ATP4A: variants seen among roughly 807,000 people sequenced by gnomAD.
ATP4A encodes the protein potassium-transporting ATPase alpha chain 1.
A neutral mutation model predicts 112.1 loss-of-function variants in ATP4A; 73 were observed. That is an observed-to-expected ratio of 0.65 (90% CI 0.54 to 0.79). The LOEUF is 0.79. Among genes scored for constraint, ATP4A ranks in the 30% least tolerant of loss-of-function variants. ATP4A has a pLI of 0.00. For synonymous variants in ATP4A, 588 were observed against 588.9 expected (o/e 1.00, Z 0.02); for missense variants, 1,081 against 1,425.9 (o/e 0.76, Z 3.90).
rs2071676777 is a variant in ATP4A, at chr19:35,562,499, G to T, written c.356C>A (p.Ala119Asp). The part of the protein sequence containing the change: ...GGLQCLMWVA[A>D]AICLIAFAIQ... Reference sequence around the variant, plus strand: ...GGCAAAGGCGATGAGGCAGATGGCGGCGGCAACCCACATGAGGCACTGCAG... The same window carrying T: ...GGCAAAGGCGATGAGGCAGATGGCGTCGGCAACCCACATGAGGCACTGCAG... Residue 119 changes from alanine to aspartate, a missense_variant, in exon 4 of 22, where the codon GCC (alanine) becomes GAC (aspartate). Ala to Asp is a moderately radical substitution (Grantham distance 126). Transcript: ENST00000262623. 3 of 1,614,152 alleles carry T rather than the reference G, an allele frequency of 1.9e-6. No homozygotes were observed. The highest frequency in any genetic ancestry group is 2.5e-6 in the Non-Finnish European group (3 of 1,180,024).
rs2071649974 is a variant in ATP4A, at chr19:35,558,880, G to A, written c.1255+113C>T. ...CGGTAGCGAGTCTCCTTTGAGACCT[G>A]GAGCCGAGCCGCCCCGCCTTCGTAC... On this transcript the variant is annotated intron_variant, in intron 8 of 21. Transcript: ENST00000262623. The surrounding 1 kb of genome is among the most constrained non-coding windows in gnomAD (Gnocchi z 5.1). The A allele has an allele frequency of 9.3e-6, 13 of 1,399,354 alleles. No individual in the cohort carries two copies. The South Asian group carries it at 1.4e-4, about 15-fold the overall frequency. 86.7% of individuals were successfully genotyped at this position (1,399,354 alleles called of 1,614,324 possible). A position where few individuals can be genotyped will look rare whatever the true frequency, so the allele number is the denominator to read the frequency against.
chr19:35,556,805 A>C, intron 12 of ATP4A, 108 bp downstream of exon 12: 2 of 1,324,200 alleles, frequency 1.5e-6, no homozygotes, highest in Non-Finnish European at 2.1e-6. Context: ...AAACCAATGC[A>C]TTTTGGTTCA....
Position 35,558,467 on chromosome 19 carries a change from C to T in ATP4A, c.1395G>A (p.Thr465=). 1 of 1,600,126 alleles carries T rather than the reference C, an allele frequency of 6.2e-7. No homozygotes were observed. Among genetic ancestry groups the T allele is most frequent in the Non-Finnish European group, 8.5e-7 (1 of 1,173,980 alleles). Reference sequence around the variant, plus strand: ...TCAGCTCCGAGAACTTGAGCAGCGCCGTCTCCGATGCGTCTCCAATCACGA... The same window carrying T: ...TCAGCTCCGAGAACTTGAGCAGCGCTGTCTCCGATGCGTCTCCAATCACGA... ...KRIVIGDASE[T]ALLKFSELTL... Residue 465 remains threonine (T), a synonymous_variant, in exon 10 of 22, where the codon ACG becomes ACA. Transcript: ENST00000262623. The surrounding 1 kb of genome is among the most constrained non-coding windows in gnomAD (Gnocchi z 5.1).
chr19:35,562,333 C>T (rs1475070285), intron 4 of ATP4A, 102 bp downstream of exon 4: 1 of 1,372,368 alleles, frequency 7.3e-7, no homozygotes, highest in Admixed American at 2.2e-5. Flanking sequence ...TCGTGTTCGT[C>T]TATCCCCATC....
rs767606928 is a variant in ATP4A at position 35,558,325 on chromosome 19, G to T, written c.1500+37C>A. ...TGTGGCCTGGGGCGGGGCCCGAGGT[G>T]GGCGGGCCCAGGCCGTGGGCGGGGC... On this transcript the variant is annotated intron_variant, in intron 10 of 21. Coordinates refer to ENST00000262623, the MANE Select transcript of ATP4A (RefSeq NM_000704.3). The surrounding 1 kb of genome is among the most constrained non-coding windows in gnomAD (Gnocchi z 5.1). 2.5e-6 allele frequency: 4 copies of T among 1,584,130 alleles called. No individual in the cohort carries two copies. In the South Asian group the frequency reaches 4.6e-5, roughly 18 times the overall value.
At chr19:35,556,715 A>G (rs1239636503) in intron 12 of ATP4A, among the ~76,000 whole-genome samples, 198 bp downstream of exon 12, 1 of 152,212 alleles carries the variant, frequency 6.6e-6, no homozygotes, top group African/African-American at 2.4e-5. Context: ...AGACATGGAG[A>G]AAGGAAAATT....
intron 12 of ATP4A, among the ~76,000 whole-genome samples, chr19:35,556,093 T>C (rs1245508574): frequency 1.3e-5 from 2 of 152,280 alleles, no homozygotes; most frequent in Admixed American, 6.5e-5. Context: ...ATTTTAAGTG[T>C]ACCCAGGGAA....
chr19:35,559,466 A>G lies in ATP4A; in HGVS notation c.1057-275T>C, dbSNP rs1458374251. 6.6e-6 allele frequency among the ~76,000 whole-genome samples: 1 copy of G among 152,238 alleles called. No homozygotes were observed. The highest frequency in any genetic ancestry group is 2.4e-5 in the African/African-American group (1 of 41,466). On this transcript the variant is annotated intron_variant, in intron 7 of 21. Transcript: ENST00000262623. The surrounding 1 kb of genome is among the most constrained non-coding windows in gnomAD (Gnocchi z 4.1). ...TTCTCTTCACACAATCAAAATGAGA[A>G]GAGGAACCTTCCCCGCACCTCCCTG...
chr19:35,557,938 G>A lies in ATP4A; in HGVS notation c.1501-91C>T. 2.0e-6 allele frequency: 2 copies of A among 975,910 alleles called. No individual in the cohort carries two copies. Among genetic ancestry groups the A allele is most frequent in the Non-Finnish European group, 2.9e-6 (2 of 688,674 alleles). 60.5% of individuals were successfully genotyped at this position (975,910 alleles called of 1,614,324 possible). On this transcript the variant is annotated intron_variant, in intron 10 of 21. Transcript: ENST00000262623. The surrounding 1 kb of genome is among the most constrained non-coding windows in gnomAD (Gnocchi z 4.4). The stretch of plus-strand genomic sequence containing the variant: ...CGGGGCGGGGCTGAGGAGAGGGGCG[G>A]GGCCGAGAGCTCGGTGCGGGCTCTG...
At position 35,560,895 on chromosome 19, in the gene ATP4A, A is replaced by G; in HGVS notation, c.458T>C (p.Val153Ala). The G allele has an allele frequency of 6.2e-7, 1 of 1,613,956 alleles. No individual in the cohort carries two copies. Among genetic ancestry groups the G allele is most frequent in the Non-Finnish European group, 8.5e-7 (1 of 1,179,950 alleles). The stretch of plus-strand genomic sequence containing the variant: ...CTGGTAGTAGCCAAAGCAGCCGGTG[A>G]CGACAACCACAGCAATGAGAGCGAT... ...LAIALIAVVVVTGCFGYYQEF... is the reference protein window; with the variant it reads ...LAIALIAVVVATGCFGYYQEF... The change falls in exon 5 of 22, where the codon GTC becomes GCC. Residue 153 changes from valine to alanine, a missense_variant. Val to Ala is a moderately conservative substitution (Grantham distance 64). Around this residue, in one of 3 missense-constraint regions of ATP4A, gnomAD observed 850 missense variants for 1,068.2 expected, o/e 0.80. Transcript: ENST00000262623. The surrounding 1 kb of genome is among the most constrained non-coding windows in gnomAD (Gnocchi z 5.1).
intron 18 of ATP4A, 121 bp downstream of exon 18, chr19:35,552,916 G>A: frequency 7.6e-7 from 1 of 1,308,852 alleles, no homozygotes; most frequent in Non-Finnish European, 1.0e-6. Context: ...AGGGAGTCTG[G>A]GGGTCCGGGA....
rs747336237 is a variant in ATP4A, at chr19:35,560,776, G to A, written c.534+43C>T. On this transcript the variant is annotated intron_variant, in intron 5 of 21. Transcript: ENST00000262623. This position sits in a 1 kb window ranked among gnomAD's most constrained non-coding sequence, Gnocchi z 5.1. ...TGGAAGGAGGCTACAGGAGCAGTTT[G>A]GAGTCTCTGGGATCTGGAGTGGCTG... 6.2e-7 allele frequency: 1 copy of A among 1,600,054 alleles called. No homozygotes were observed. The highest frequency in any genetic ancestry group is 1.1e-5 in the South Asian group (1 of 90,766).
Position 35,557,094 on chromosome 19 carries a change from C to T in ATP4A, c.1694-6G>A, listed in dbSNP as rs372894649. 1.3e-5 allele frequency: 21 copies of T among 1,613,930 alleles called. No individual in the cohort carries two copies. Among genetic ancestry groups the T allele is most frequent in the Middle Eastern group, 3.3e-4 (2 of 6,082 alleles). On this transcript the variant is annotated splice_polypyrimidine_tract_variant and splice_region_variant and intron_variant, in intron 11 of 21. Transcript: ENST00000262623. The surrounding 1 kb of genome is among the most constrained non-coding windows in gnomAD (Gnocchi z 4.4). ...CAGGTAGAGCTGGCAGAAGCCTGAC[C>T]GGAAACGGGGAAGTCAGGGAAGAGC... is the stretch of plus-strand genomic sequence containing the variant.
At position 35,550,618 on chromosome 19, in the gene ATP4A, ATAG is replaced by A. The variant is rs769071264; in HGVS notation, c.3102_3104del (p.Tyr1035del). 1.2e-6 allele frequency: 2 copies of A among 1,613,782 alleles called. No individual in the cohort carries two copies. The highest frequency in any genetic ancestry group is 1.7e-5 in the Admixed American group (1 of 60,010). On this transcript the variant is annotated inframe_deletion, in exon 22 of 22. Transcript: ENST00000262623. The surrounding 1 kb of genome is among the most constrained non-coding windows in gnomAD (Gnocchi z 4.1). ...ATGCTTGAAGGCAGTCGTCCCTCTAATAGTAGAGTTCCTGGTCCCACCAGCCTG... is the reference window on the plus strand; with the variant it reads ...ATGCTTGAAGGCAGTCGTCCCTCTAATAGAGTTCCTGGTCCCACCAGCCTG...
At position 35,550,345 on chromosome 19, in the gene ATP4A, G is replaced by T. The variant is rs2071593963; in HGVS notation, c.*270C>A. ...GCGGTCAGCTGTACTCCCTGTCAGA[G>T]CCCCACCGCCACCACAGGTGGCGGC... is the stretch of plus-strand genomic sequence containing the variant. On this transcript the variant is annotated 3_prime_UTR_variant, in exon 22 of 22. Coordinates refer to ENST00000262623, the MANE Select transcript of ATP4A (RefSeq NM_000704.3). The surrounding 1 kb of genome is among the most constrained non-coding windows in gnomAD (Gnocchi z 4.1). 3.7e-6 allele frequency: 2 copies of T among 535,166 alleles called. No individual in the cohort carries two copies. The highest frequency in any genetic ancestry group is 2.1e-5 in the South Asian group (1 of 46,560). The allele number at this position is 535,166 out of a possible 1,614,324, so 33.2% of individuals were successfully genotyped here.
intron 17 of ATP4A, 93 bp downstream of exon 17, chr19:35,553,613 G>T: frequency 6.5e-7 from 1 of 1,531,582 alleles, no homozygotes; most frequent in South Asian, 1.2e-5. Context: ...CTGAGGTCCA[G>T]AACCAGCCGG....
At chr19:35,554,306 C>G (rs1255947306) in intron 16 of ATP4A, among the ~76,000 whole-genome samples, 2 of 152,028 alleles carry the variant, frequency 1.3e-5, no homozygotes, top group Non-Finnish European at 2.9e-5. Context: ...AGCCGGGCCA[C>G]TTATTTGCCC....
In ATP4A at chr19:35,551,044, C is replaced by T. The variant is rs374851312; in HGVS notation, c.2953G>A (p.Gly985Ser). ...ATGAAGTTGAAGATGTTGGGCATGC[C>T]GGGGCAGTAGCACAGGAAGCAGCCG... ...CIGCFLCYCP[G>S]MPNIFNFMPI... is the part of the protein sequence containing the mutation. The change falls in exon 20 of 22, where the codon GGC becomes AGC. Residue 985 changes from glycine (G) to serine (S), a missense_variant. Gly to Ser is a moderately conservative substitution (Grantham distance 56). Around this residue, in one of 3 missense-constraint regions of ATP4A, gnomAD observed 219 missense variants for 320.9 expected, o/e 0.68. Transcript: ENST00000262623. The surrounding 1 kb of genome is among the most constrained non-coding windows in gnomAD (Gnocchi z 5.2). 2.4e-5 allele frequency: 39 copies of T among 1,613,754 alleles called. No individual in the cohort carries two copies. The highest frequency in any genetic ancestry group is 3.1e-5 in the Non-Finnish European group (36 of 1,179,896).
rs1298902284 is a variant in ATP4A at position 35,560,640 on chromosome 19, G to A, written c.535-25C>T. Reference sequence around the variant, plus strand: ...GCTGCGGGGCAGGGGCACCAAAGTTGAGGTGGACGGGGGTGGGGGTGGGAG... The same window carrying A: ...GCTGCGGGGCAGGGGCACCAAAGTTAAGGTGGACGGGGGTGGGGGTGGGAG... On this transcript the variant is annotated intron_variant, in intron 5 of 21. Transcript: ENST00000262623. This position sits in a 1 kb window ranked among gnomAD's most constrained non-coding sequence, Gnocchi z 5.1. The A allele has an allele frequency of 6.3e-7, 1 of 1,597,512 alleles. No individual in the cohort carries two copies. Among genetic ancestry groups the A allele is most frequent in the Non-Finnish European group, 8.6e-7 (1 of 1,169,184 alleles).
Sources: gnomAD v4.1 joint callset for allele counts (sites outside exome capture counted in the v4.1 genomes callset) on GRCh38, gnomAD v4.1.1 for gene constraint, gnomAD v4.1.1 regional missense constraint, Gnocchi (gnomAD v3.1) non-coding constraint, MANE v1.5 for transcripts, NCBI Gene and HGNC (gene_info 2026-07-23, HGNC 2026-07-21) for gene names.